The following SHMT1 variants were observed in gnomAD, a reference collection of about 807,000 sequenced individuals.
The protein encoded by SHMT1 is serine hydroxymethyltransferase, cytosolic.
In SHMT1, 45 loss-of-function variants were observed where a neutral mutation model predicts 49.0. The ratio of observed to expected loss-of-function variants is 0.92; its 90% CI spans 0.72 to 1.18. SHMT1 has a LOEUF of 1.18. Ranked by LOEUF, SHMT1 falls within the 50% of genes most tolerant of loss-of-function variation. SHMT1 has a pLI of 0.00. For synonymous variants in SHMT1, 232 were observed against 246.6 expected, an observed-to-expected ratio of 0.94 and a Z score of 0.55; for missense variants, 541 against 612.4, an observed-to-expected ratio of 0.88 and a Z score of 1.23.
chr17:18,348,553 T>C lies in SHMT1; in HGVS notation c.243-113A>G, dbSNP rs1388546421. On this transcript the variant is annotated intron_variant, in intron 3 of 11. Transcript: ENST00000316694. Reference sequence around the variant, plus strand: ...GTGAAACTAAAGTGGAGAGAAGTAATGAGAAGAGCTTGTTAACATGCAGAT... The same window carrying C: ...GTGAAACTAAAGTGGAGAGAAGTAACGAGAAGAGCTTGTTAACATGCAGAT... 3 of 794,042 alleles carry C rather than the reference T, an allele frequency of 3.8e-6. No homozygotes were observed. The South Asian group carries it at 4.0e-5, about 11-fold the overall frequency. 49.2% of individuals were successfully genotyped at this position (794,042 alleles called of 1,614,324 possible).
intron 3 of SHMT1, among the ~76,000 whole-genome samples, chr17:18,350,397 G>T (rs557524788): frequency 1.2e-4 from 18 of 152,036 alleles, no homozygotes; most frequent in Non-Finnish European, 1.5e-5. Context: ...TGTAATCCTA[G>T]TAATATGGAA....
rs1305470955 is a variant in SHMT1 at position 18,347,399 on chromosome 17, C to T, written c.519+97G>A. 2.2e-6 allele frequency: 3 copies of T among 1,375,436 alleles called. No homozygotes were observed. The African/African-American group carries it at 4.3e-5, about 20-fold the overall frequency. The allele number at this position is 1,375,436 out of a possible 1,614,324, so 85.2% of individuals were successfully genotyped here. On this transcript the variant is annotated intron_variant, in intron 5 of 11. Transcript: ENST00000316694. ...AAAAACGGTGCGAGGTGGGGACTTCCTGTAGTGACACATAAACCAAACTTA... is the reference window on the plus strand; with the variant it reads ...AAAAACGGTGCGAGGTGGGGACTTCTTGTAGTGACACATAAACCAAACTTA...
intron 1 of SHMT1, among the ~76,000 whole-genome samples, chr17:18,362,354 T>C (rs1986855487): frequency 6.6e-6 from 1 of 152,150 alleles, no homozygotes; most frequent in Non-Finnish European, 1.5e-5. Flanking sequence ...AGAGTCTCAC[T>C]CTGTCACTCA....
chr17:18,341,859 A>T (rs1468837795), intron 5 of SHMT1, among the ~76,000 whole-genome samples: 1 of 152,186 alleles, frequency 6.6e-6, no homozygotes, highest in African/African-American at 2.4e-5. Context: ...GCTTAACCAG[A>T]AGCAGAACCA....
intron 5 of SHMT1, among the ~76,000 whole-genome samples, chr17:18,343,990 A>C (rs1984812643): frequency 6.6e-6 from 1 of 151,948 alleles, no homozygotes; most frequent in South Asian, 2.1e-4. Flanking sequence ...CACCACAGGA[A>C]AAACTGGGCT....
intron 5 of SHMT1, among the ~76,000 whole-genome samples, chr17:18,346,607 T>C (rs1156424400): frequency 6.6e-6 from 1 of 152,148 alleles, no homozygotes; most frequent in African/African-American, 2.4e-5. Context: ...ACCTGAGCCA[T>C]ACAGGTGCTC....
chr17:18,333,139 C>A, intron 9 of SHMT1, 27 bp downstream of exon 9: 1 of 1,613,452 alleles, frequency 6.2e-7, no homozygotes, highest in Non-Finnish European at 8.5e-7. Context: ...CAAGAACAGG[C>A]CTGCTGAACA....
intron 10 of SHMT1, among the ~76,000 whole-genome samples, chr17:18,330,036 A>G (rs1176872343): frequency 2.6e-5 from 4 of 151,868 alleles, no homozygotes; most frequent in Non-Finnish European, 1.5e-5. Context: ...TAGTAGAGAC[A>G]GGGTTTCACC....
chr17:18,339,678 C>T (rs986109042), intron 7 of SHMT1, among the ~76,000 whole-genome samples: 4 of 152,060 alleles, frequency 2.6e-5, no homozygotes, highest in Admixed American at 6.5e-5. Context: ...CTCCTGCCTT[C>T]GCCTCCTGAG....
chr17:18,339,290 C>T (rs1172378320), intron 7 of SHMT1, among the ~76,000 whole-genome samples: 6 of 152,156 alleles, frequency 3.9e-5, no homozygotes, highest in Non-Finnish European at 7.4e-5. Context: ...TCCATGTCTT[C>T]TAGTTTGACT....
chr17:18,350,483 TA>T (rs1160167069), intron 3 of SHMT1, among the ~76,000 whole-genome samples: 2 of 149,754 alleles, frequency 1.3e-5, no homozygotes, highest in Non-Finnish European at 3.0e-5. Context: ...TCATGTCTAT[TA>T]AAAATTAGCC....
At chr17:18,360,921 G>A (rs1236005199) in intron 1 of SHMT1, among the ~76,000 whole-genome samples, 1 of 152,140 alleles carries the variant, frequency 6.6e-6, no homozygotes, top group Non-Finnish European at 1.5e-5. Context: ...TGTAATCCCA[G>A]CACTTTGGGA....
Position 18,353,778 on chromosome 17 carries a change from C to T in SHMT1, c.136G>A (p.Val46Ile). 1 of 1,614,108 alleles carries T rather than the reference C, an allele frequency of 6.2e-7. No individual in the cohort carries two copies. Among genetic ancestry groups the T allele is most frequent in the South Asian group, 1.1e-5 (1 of 91,082 alleles). Residue 46 changes from valine (V) to isoleucine (I), a missense_variant, in exon 3 of 12, where the codon GTT becomes ATT. By Grantham distance (29) the Val-to-Ile change is conservative (BLOSUM62 3). Coordinates refer to ENST00000316694, the MANE Select transcript of SHMT1 (RefSeq NM_004169.5). Reference sequence around the variant, plus strand: ...TCCGAGGCAATCAGCTCCAATCCAACCCTCTGCCGGTTACTCTCCTTCTTA... The same window carrying T: ...TCCGAGGCAATCAGCTCCAATCCAATCCTCTGCCGGTTACTCTCCTTCTTA... ...IIKKESNRQRVGLELIASENF... is the reference protein window; with the variant it reads ...IIKKESNRQRIGLELIASENF...
At position 18,328,783 on chromosome 17, in the gene SHMT1, AG is replaced by A; in HGVS notation, c.1418del (p.Ser473PhefsTer70). The stretch of plus-strand genomic sequence containing the variant: ...CAGGCAGGCCAGGCAGAGGGAAGAG[AG>A]AGGCGAAGCTCTCAACCTCCTCCCG... ...ALREEVESFA[S>X]LFPLPGLPDF On this transcript the variant is annotated frameshift_variant, in exon 12 of 12. Coordinates refer to ENST00000316694, the MANE Select transcript of SHMT1 (RefSeq NM_004169.5). LOFTEE classifies it high-confidence loss of function. 1 of 1,597,370 alleles carries A rather than the reference AG, an allele frequency of 6.3e-7. No homozygotes were observed. The highest frequency in any genetic ancestry group is 8.5e-7 in the Non-Finnish European group (1 of 1,171,596).
At chr17:18,348,486 G>T in intron 3 of SHMT1, 46 bp from the exon 4 acceptor site, 1 of 1,413,500 alleles carries the variant, frequency 7.1e-7, no homozygotes, top group Non-Finnish European at 1.0e-6. Flanking sequence ...GACCCAGAAA[G>T]TCTGTGCTTC....
Position 18,354,495 on chromosome 17 carries a change from C to T in SHMT1, c.97-678G>A, listed in dbSNP as rs184543513. 3.3e-5 allele frequency among the ~76,000 whole-genome samples: 5 copies of T among 152,220 alleles called. No homozygotes were observed. In the East Asian group the frequency reaches 9.7e-4, roughly 29 times the overall value. Reference sequence around the variant, plus strand: ...CCTATAATCTCAGCTACTCGGGGGGCCGAGGCAGGAGAATCGCTTGAACCT... The same window carrying T: ...CCTATAATCTCAGCTACTCGGGGGGTCGAGGCAGGAGAATCGCTTGAACCT... On this transcript the variant is annotated intron_variant, in intron 2 of 11. Transcript: ENST00000316694.
Position 18,329,394 on chromosome 17 carries a change from AG to A in SHMT1, c.1172-7del, listed in dbSNP as rs1383654356. The A allele has an allele frequency of 1.9e-6, 3 of 1,606,912 alleles. No individual in the cohort carries two copies. The highest frequency in any genetic ancestry group is 2.6e-6 in the Non-Finnish European group (3 of 1,175,720). The stretch of plus-strand genomic sequence containing the variant: ...CCGCAGAGCGCTTCTGTCACCTACA[AG>A]ATAAACGGGGCTCTGTCCCTAAGTC... On this transcript the variant is annotated splice_region_variant and splice_polypyrimidine_tract_variant and intron_variant, in intron 10 of 11. Transcript: ENST00000316694.
At chr17:18,332,586 G>C (rs1168116725) in intron 9 of SHMT1, 1 of 176,006 alleles carries the variant, frequency 5.7e-6, no homozygotes, top group East Asian at 1.5e-4. Flanking sequence ...TGCGTTCTCC[G>C]TGGAAAGCTG....
At chr17:18,349,682 G>T (rs1417603454) in intron 3 of SHMT1, among the ~76,000 whole-genome samples, 1 of 152,076 alleles carries the variant, frequency 6.6e-6, no homozygotes, top group Admixed American at 6.6e-5. Flanking sequence ...TTGTACCACT[G>T]CACTACAGCT....
Sources: allele counts gnomAD v4.1 joint callset (sites outside exome capture counted in the v4.1 genomes callset), GRCh38; gene constraint gnomAD v4.1.1; transcripts MANE v1.5; gene names NCBI Gene and HGNC (gene_info 2026-07-23, HGNC 2026-07-21).